DRC8: variants seen among roughly 807,000 people sequenced by gnomAD.
The protein encoded by DRC8 is dynein regulatory complex protein 8.
the DRC8 span, among the ~76,000 whole-genome samples, chr1:245,047,654 A>G: frequency 7.3e-6 from 1 of 136,986 alleles, no homozygotes; most frequent in South Asian, 2.4e-4. Context: ...AAAAAAACGA[A>G]AAAGAAAATG....
At chr1:244,973,338 G>A in the DRC8 span, among the ~76,000 whole-genome samples, 3 of 152,194 alleles carry the variant, frequency 2.0e-5, no homozygotes, top group African/African-American at 7.2e-5. Context: ...TAATTTTGAA[G>A]GATGTGTTCA....
the DRC8 span, among the ~76,000 whole-genome samples, chr1:244,984,241 C>A: frequency 6.6e-6 from 1 of 152,114 alleles, no homozygotes; most frequent in South Asian, 2.1e-4. Context: ...GTATTAATTA[C>A]ATTATTTCTC....
At chr1:245,080,150 G>A in the DRC8 span, among the ~76,000 whole-genome samples, 6 of 152,170 alleles carry the variant, frequency 3.9e-5, no homozygotes, top group African/African-American at 1.4e-4. Context: ...TCGTTTGTTT[G>A]TTTTTGCTCG....
the DRC8 span, among the ~76,000 whole-genome samples, chr1:245,034,119 A>G: frequency 6.6e-6 from 1 of 152,136 alleles, no homozygotes; most frequent in Non-Finnish European, 1.5e-5. Context: ...CTAGAGTTTC[A>G]TCTCCATCCT....
chr1:244,970,253 C>T, the DRC8 span: 6 of 739,268 alleles, frequency 8.1e-6, no homozygotes, highest in South Asian at 9.0e-5. Context: ...ACAGGGCGCG[C>T]GCTCGGAGCC....
chr1:245,100,600 G>T, the DRC8 span, among the ~76,000 whole-genome samples: 3 of 151,826 alleles, frequency 2.0e-5, no homozygotes, highest in South Asian at 2.1e-4. Context: ...GGGCAACATG[G>T]TGAAACCCTG....
At chr1:245,085,877 G>C in the DRC8 span, among the ~76,000 whole-genome samples, 1 of 152,230 alleles carries the variant, frequency 6.6e-6, no homozygotes, top group African/African-American at 2.4e-5. Context: ...TCTGTGGCAG[G>C]ATCCATGGGT....
the DRC8 span, among the ~76,000 whole-genome samples, chr1:244,997,439 T>C: frequency 2.0e-5 from 3 of 152,150 alleles, no homozygotes; most frequent in Non-Finnish European, 2.9e-5. Context: ...TTCAAGCCAG[T>C]AAGCTGAATC....
the DRC8 span, among the ~76,000 whole-genome samples, chr1:244,995,673 A>G: frequency 1.3e-5 from 2 of 152,122 alleles, no homozygotes; most frequent in Non-Finnish European, 2.9e-5. Context: ...ATTATGCGCA[A>G]CTGGAAGGAA....
chr1:245,084,067 C>G, the DRC8 span, among the ~76,000 whole-genome samples: 10 of 118,200 alleles, frequency 8.5e-5, no homozygotes, highest in African/African-American at 2.2e-4. Context: ...ATTCCGCCCC[C>G]CCCCCGGCGC....
At chr1:244,999,058 CAAAAAAAAA>C in the DRC8 span, among the ~76,000 whole-genome samples, 21 of 83,684 alleles carry the variant, frequency 2.5e-4, no homozygotes, top group South Asian at 4.9e-4. Context: ...GATCCTGGGT[CAAAAAAAAA>C]AAAAAAAAAA....
the DRC8 span, among the ~76,000 whole-genome samples, chr1:244,980,040 T>TGAAAAAAAAAAA: frequency 8.3e-4 from 29 of 34,736 alleles, no homozygotes; most frequent in African/African-American, 3.9e-3. Flanking sequence ...CCGTCTCTAC[T>TGAAAAAAAAAAA]AAAAAAAAAA....
At chr1:244,995,885 T>C in the DRC8 span, among the ~76,000 whole-genome samples, 2 of 152,260 alleles carry the variant, frequency 1.3e-5, no homozygotes, top group African/African-American at 2.4e-5. Context: ...GGGCCAGTAC[T>C]GCTTGGCTGC....
chr1:245,034,357 T>G, the DRC8 span, among the ~76,000 whole-genome samples: 1 of 151,918 alleles, frequency 6.6e-6, no homozygotes, highest in Non-Finnish European at 1.5e-5. Context: ...TCCCAGCATT[T>G]TGGGAGGCCA....
At chr1:245,037,517 T>G in the DRC8 span, among the ~76,000 whole-genome samples, 2 of 152,186 alleles carry the variant, frequency 1.3e-5, no homozygotes, top group South Asian at 2.1e-4. Flanking sequence ...TCTAGTTTCT[T>G]ACTTAATAAA....
the DRC8 span, among the ~76,000 whole-genome samples, chr1:245,026,863 A>T: frequency 6.6e-6 from 1 of 152,224 alleles, no homozygotes; most frequent in African/African-American, 2.4e-5. Context: ...ATGCATGGAA[A>T]TGATAAGGAT....
At chr1:245,109,031 G>A in the DRC8 span, among the ~76,000 whole-genome samples, 1 of 152,200 alleles carries the variant, frequency 6.6e-6, no homozygotes, top group Middle Eastern at 3.2e-3. Flanking sequence ...AGGAAGACAG[G>A]AAAGGGAAGC....
the DRC8 span, chr1:245,087,260 A>G: frequency 1.2e-5 from 19 of 1,607,618 alleles, no homozygotes; most frequent in African/African-American, 2.3e-4. Flanking sequence ...CCTTTTTCTC[A>G]AGAGGAAATG....
the DRC8 span, among the ~76,000 whole-genome samples, chr1:244,978,506 A>G: frequency 4.0e-5 from 6 of 151,502 alleles, no homozygotes; most frequent in African/African-American, 2.4e-5. Flanking sequence ...AAAAAAAAAA[A>G]AGAGACGAGG....
Sources: allele counts gnomAD v4.1 joint callset (sites outside exome capture counted in the v4.1 genomes callset), GRCh38; gene constraint gnomAD v4.1.1; transcripts MANE v1.5; gene names NCBI Gene and HGNC (gene_info 2026-07-23, HGNC 2026-07-21).